Variants in TRPM3 observed in about 807,000 individuals in gnomAD.
The protein encoded by TRPM3 is transient receptor potential cation channel subfamily M member 3, also known as long transient receptor potential channel 3.
A neutral mutation model predicts 181.2 loss-of-function variants in TRPM3; 77 were observed. The ratio of observed to expected loss-of-function variants is 0.42; its 90% confidence interval spans 0.35 to 0.51. The LOEUF (loss-of-function observed/expected upper bound fraction) is 0.51. Among genes scored for constraint, TRPM3 ranks in the 20% least tolerant of loss-of-function variants. The probability of loss-of-function intolerance (pLI) is 0.01; values close to 1 mark genes in which losing one functional copy is unlikely to be tolerated. For missense variants in TRPM3, 1,759 were observed against 2,196.7 expected, an observed-to-expected ratio of 0.80 and a Z score of 3.98; for synonymous variants, 745 against 796.4, an observed-to-expected ratio of 0.94 and a Z score of 1.09.
At chr9:70,958,816 A>G (rs937882184) in intron 1 of TRPM3, among the ~76,000 whole-genome samples, 2 of 151,642 alleles carry the variant, frequency 1.3e-5, no homozygotes, top group Non-Finnish European at 2.9e-5. Context: ...ACCATGGAAT[A>G]CTATGTAGCC....
intron 1 of TRPM3, among the ~76,000 whole-genome samples, chr9:71,419,418 T>C (rs1385465173): frequency 1.3e-5 from 2 of 151,972 alleles, no homozygotes; most frequent in African/African-American, 4.8e-5. Flanking sequence ...TTTCTGTTTG[T>C]TTACAAATTA....
At chr9:71,167,354 T>A (rs921517493) in intron 1 of TRPM3, among the ~76,000 whole-genome samples, 1 of 152,214 alleles carries the variant, frequency 6.6e-6, no homozygotes, top group Non-Finnish European at 1.5e-5. Flanking sequence ...TAAAATGTAC[T>A]ATTATTTTAC....
rs1312008059 is a variant in TRPM3 at position 71,377,788 on chromosome 9, A to G, written c.183+68865T>C. ...GAAAAAAATAGGACATTAGCTTCCC[A>G]TAGATTATTTTTGCCTGTTTGTGAA... On this transcript the variant is annotated intron_variant, in intron 1 of 24. Coordinates refer to the TRPM3 transcript ENST00000357533. Among the ~76,000 whole-genome samples the G allele has an allele frequency of 2.6e-5, 4 of 152,052 alleles. No individual in the cohort carries two copies. The East Asian group carries it at 7.7e-4, about 29-fold the overall frequency.
intron 1 of TRPM3, among the ~76,000 whole-genome samples, chr9:70,959,073 C>T (rs2097109836): frequency 6.6e-6 from 1 of 151,180 alleles, no homozygotes; most frequent in African/African-American, 2.4e-5. Flanking sequence ...TTAATGGGTG[C>T]AGCACACCAG....
At chr9:71,107,093 A>G (rs2069790236) in intron 1 of TRPM3, among the ~76,000 whole-genome samples, 1 of 152,146 alleles carries the variant, frequency 6.6e-6, no homozygotes, top group Admixed American at 6.6e-5. Flanking sequence ...AACTAGGCAG[A>G]CTGTTAAACA....
At chr9:71,368,294 A>C (rs544733635) in intron 1 of TRPM3, among the ~76,000 whole-genome samples, 99 of 152,306 alleles carry the variant, frequency 6.5e-4, no homozygotes, top group African/African-American at 2.3e-3. Context: ...TAGCCCAGGG[A>C]AGCTACTGCA....
chr9:71,042,934 A>T (rs1755622352), intron 1 of TRPM3, among the ~76,000 whole-genome samples: 1 of 152,220 alleles, frequency 6.6e-6, no homozygotes. Flanking sequence ...TTAAGAAAGC[A>T]CTATAGAGAC....
In TRPM3 at chr9:70,863,101, CCACAGCAA is replaced by C; in HGVS notation, c.261_268del (p.Cys87TrpfsTer20). The C allele has an allele frequency of 6.2e-7, 1 of 1,613,168 alleles. No homozygotes were observed. The highest frequency in any genetic ancestry group is 8.5e-7 in the Non-Finnish European group (1 of 1,179,500). On this transcript the variant is annotated frameshift_variant, in exon 3 of 26. Transcript: ENST00000677713. LOFTEE classifies it high-confidence loss of function. ...GCCAACATGCTGGCCTATCAGACGC[CCACAGCAA>C]CACCTATAACAGAAGAGGTTAAAGT...
At chr9:71,354,666 C>T (rs1257343544) in intron 1 of TRPM3, among the ~76,000 whole-genome samples, 1 of 152,170 alleles carries the variant, frequency 6.6e-6, no homozygotes, top group African/African-American at 2.4e-5. Flanking sequence ...GTAATATATT[C>T]TTAAATCTTG....
Position 70,625,069 on chromosome 9 carries a change from T to G in TRPM3, c.1809+122A>C. On this transcript the variant is annotated intron_variant, in intron 14 of 25. Coordinates refer to ENST00000677713, the MANE Select transcript of TRPM3 (RefSeq NM_001366145.2). The surrounding 1 kb of genome is among the most constrained non-coding windows in gnomAD (Gnocchi z 4.8). The stretch of plus-strand genomic sequence containing the variant: ...AATTTCATTACTTTTCTTTGATTGT[T>G]TAGGTTCACTCTCAGCGCAATTTTC... 4.9e-6 allele frequency: 5 copies of G among 1,024,906 alleles called. No individual in the cohort carries two copies. The highest frequency in any genetic ancestry group is 6.9e-6 in the Non-Finnish European group (5 of 727,532). The allele number at this position is 1,024,906 out of a possible 1,614,324, so 63.5% of individuals were successfully genotyped here.
At chr9:71,254,283 T>C (rs745393308) in intron 1 of TRPM3, among the ~76,000 whole-genome samples, 6 of 152,186 alleles carry the variant, frequency 3.9e-5, no homozygotes, top group East Asian at 1.9e-4. Flanking sequence ...ATCTCACTTA[T>C]ATATGGAATC....
chr9:71,272,732 TC>T (rs2083896952), intron 1 of TRPM3, among the ~76,000 whole-genome samples: 2 of 137,674 alleles, frequency 1.5e-5, no homozygotes, highest in African/African-American at 5.2e-5. Context: ...TTTTGTATGA[TC>T]ATATATTTTT....
chr9:71,410,419 AG>A (rs1225234209), intron 1 of TRPM3, among the ~76,000 whole-genome samples: 4 of 152,228 alleles, frequency 2.6e-5, no homozygotes, highest in Non-Finnish European at 5.9e-5. Context: ...AAAATAATAA[AG>A]GGGATATCAC....
chr9:71,346,738 CAG>C (rs1426766687), intron 1 of TRPM3, among the ~76,000 whole-genome samples: 1 of 152,012 alleles, frequency 6.6e-6, no homozygotes, highest in Non-Finnish European at 1.5e-5. Context: ...TTGGCTGAAA[CAG>C]AAAAGCAAAG....
chr9:71,039,905 A>G (rs2058636016), intron 1 of TRPM3, among the ~76,000 whole-genome samples: 1 of 152,192 alleles, frequency 6.6e-6, no homozygotes, highest in South Asian at 2.1e-4. Flanking sequence ...TTCATGGAAT[A>G]TGATGGTCAC....
chr9:71,352,455 T>C (rs111669431), intron 1 of TRPM3, among the ~76,000 whole-genome samples: 4 of 152,192 alleles, frequency 2.6e-5, no homozygotes, highest in African/African-American at 7.2e-5. Context: ...TCTCTGTTTA[T>C]GTTCTTTTAG....
At chr9:71,086,333 A>G (rs1035168988) in intron 1 of TRPM3, among the ~76,000 whole-genome samples, 2 of 151,858 alleles carry the variant, frequency 1.3e-5, no homozygotes, top group African/African-American at 2.4e-5. Context: ...CTAAACCTAA[A>G]ATAAGAGTTG....
rs1380235009 is a variant in TRPM3 at position 70,876,256 on chromosome 9, A to AAT, written c.178-11747_178-11746dup. On this transcript the variant is annotated intron_variant, in intron 1 of 25. Coordinates refer to ENST00000677713, the MANE Select transcript of TRPM3 (RefSeq NM_001366145.2). ...AATATTTTACATCCTAGAAGACACT[A>AAT]ATATATATACATATACATACATACA... 2.0e-5 allele frequency among the ~76,000 whole-genome samples: 3 copies of AAT among 150,384 alleles called. No individual in the cohort carries two copies. The East Asian group carries it at 5.8e-4, about 29-fold the overall frequency.
intron 1 of TRPM3, among the ~76,000 whole-genome samples, chr9:70,876,453 A>G (rs990521908): frequency 1.3e-5 from 2 of 151,550 alleles, no homozygotes; most frequent in Non-Finnish European, 2.9e-5. Flanking sequence ...TAGCCCATAA[A>G]TATGTATGAT....
Sources: allele counts gnomAD v4.1 joint callset (sites outside exome capture counted in the v4.1 genomes callset), GRCh38; gene constraint gnomAD v4.1.1; non-coding constraint Gnocchi (gnomAD v3.1); transcripts MANE v1.5; gene names NCBI Gene and HGNC (gene_info 2026-07-23, HGNC 2026-07-21).